The following GIMD1 variants were observed in gnomAD, a reference collection of about 807,000 sequenced individuals.
GIMD1 encodes the protein GIMAP family P-loop NTPase domain containing 1.
In GIMD1, 14 loss-of-function variants were observed where a neutral mutation model predicts 14.9. The ratio of observed to expected loss-of-function variants is 0.94; its 90% CI spans 0.62 to 1.47. The LOEUF is 1.47. Among genes scored for constraint, GIMD1 ranks in the 40% most tolerant of loss-of-function variants. The probability of loss-of-function intolerance (pLI) is 0.00; values close to 1 mark genes in which losing one functional copy is unlikely to be tolerated. For missense variants in GIMD1, 272 were observed against 255.3 expected, an observed-to-expected ratio of 1.07 and a Z score of -0.44; for synonymous variants, 91 against 90.5, an observed-to-expected ratio of 1.01 and a Z score of -0.03.
At position 106,367,274 on chromosome 4, in the gene GIMD1, G is replaced by T. The variant is rs1479791174; in HGVS notation, c.162C>A (p.His54Gln). The T allele has an allele frequency of 6.5e-7, 1 of 1,535,984 alleles. No homozygotes were observed. Among genetic ancestry groups the T allele is most frequent in the South Asian group, 1.2e-5 (1 of 84,054 alleles). Residue 54 changes from histidine (H) to glutamine (Q), a missense_variant, in exon 2 of 3, where the codon CAC (histidine) becomes CAA (glutamine). By Grantham distance (24) the His-to-Gln change is conservative (BLOSUM62 0). Coordinates refer to ENST00000638719, the MANE Select transcript of GIMD1 (RefSeq NM_001195138.2). ...CACCTCGACGCATGAAGCTGTGGAG[G>T]TGACAACTGCGGCCCAGGCTACAAC... ...TTCCSLGRSC[H>Q]LHSFMRRGGL...
In GIMD1 at chr4:106,358,190, A is replaced by G. The variant is rs1770559808; in HGVS notation, c.647T>C (p.Phe216Ser). Residue 216 changes from phenylalanine to serine, a missense_variant, in exon 3 of 3, where the codon TTT becomes TCT. Transcript: ENST00000638719. ...TTTCCTTTCACCTAAATTTTATTTAAATGTAAGAACTTGGTAACAGTTCTC... is the reference window on the plus strand; with the variant it reads ...TTTCCTTTCACCTAAATTTTATTTAGATGTAAGAACTTGGTAACAGTTCTC... ...IKENCYQVLT[F>S]K 2 of 1,479,450 alleles carry G rather than the reference A, an allele frequency of 1.4e-6. No homozygotes were observed. Among genetic ancestry groups the G allele is most frequent in the East Asian group, 2.5e-5 (1 of 40,588 alleles). 91.6% of individuals were successfully genotyped at this position (1,479,450 alleles called of 1,614,324 possible). A position where few individuals can be genotyped will look rare whatever the true frequency, so the allele number is the denominator to read the frequency against.
At chr4:106,363,069 ACTT>A (rs771068886) in intron 2 of GIMD1, among the ~76,000 whole-genome samples, 200 of 152,210 alleles carry the variant, frequency 1.3e-3, no homozygotes, top group Admixed American at 3.6e-3. Flanking sequence ...TAAAAAAGTT[ACTT>A]CTTATGTTTA....
chr4:106,367,824 C>A (rs771065132), intron 1 of GIMD1, among the ~76,000 whole-genome samples: 45 of 151,584 alleles, frequency 3.0e-4, no homozygotes, highest in African/African-American at 7.0e-4. Context: ...GCAAAGCTAG[C>A]AGTAGTATTT....
intron 2 of GIMD1, among the ~76,000 whole-genome samples, chr4:106,362,830 C>T (rs2125934097): frequency 6.6e-6 from 1 of 152,104 alleles, no homozygotes; most frequent in South Asian, 2.1e-4. Flanking sequence ...CTCATTAGGC[C>T]AGATCCAGAG....
At chr4:106,363,550 CA>C (rs1318832316) in intron 2 of GIMD1, among the ~76,000 whole-genome samples, 1 of 152,044 alleles carries the variant, frequency 6.6e-6, no homozygotes, top group East Asian at 1.9e-4. Context: ...TAAGTAGGCA[CA>C]ATGCTGAGCA....
intron 1 of GIMD1, 75 bp from the exon 2 acceptor site, chr4:106,367,512 TG>T: frequency 7.4e-7 from 1 of 1,348,530 alleles, no homozygotes; most frequent in Non-Finnish European, 9.9e-7. Context: ...TTACCTGGCC[TG>T]GTTGCACTCC....
At chr4:106,364,427 A>C (rs1770664829) in intron 2 of GIMD1, among the ~76,000 whole-genome samples, 1 of 152,148 alleles carries the variant, frequency 6.6e-6, no homozygotes, top group South Asian at 2.1e-4. Context: ...AGGACCTAAC[A>C]GCTTCTTGCT....
At position 106,358,331 on chromosome 4, in the gene GIMD1, G is replaced by T; in HGVS notation, c.506C>A (p.Thr169Asn). 6.5e-7 allele frequency: 1 copy of T among 1,534,098 alleles called. No homozygotes were observed. The highest frequency in any genetic ancestry group is 8.7e-7 in the Non-Finnish European group (1 of 1,145,650). Reference sequence around the variant, plus strand: ...AATAGAATTTAGCAGCGTTTTCAGGGTATCAGAGGCCTCATGTAAATATTT... The same window carrying T: ...AATAGAATTTAGCAGCGTTTTCAGGTTATCAGAGGCCTCATGTAAATATTT... ...EDKYLHEASD[T>N]LKTLLNSIQH... is the part of the protein sequence containing the mutation. Residue 169 changes from threonine (T) to asparagine (N), a missense_variant, in exon 3 of 3, where the codon ACC (threonine) becomes AAC (asparagine). Physicochemically the swap from Thr to Asn is moderately conservative, Grantham distance 65. Transcript: ENST00000638719.
intron 2 of GIMD1, among the ~76,000 whole-genome samples, chr4:106,359,810 C>T (rs1489818301): frequency 6.6e-6 from 1 of 151,660 alleles, no homozygotes; most frequent in Non-Finnish European, 1.5e-5. Flanking sequence ...ATAGGTAAAT[C>T]TAACATGAAA....
At chr4:106,365,516 G>C (rs530552040) in intron 2 of GIMD1, among the ~76,000 whole-genome samples, 2 of 151,818 alleles carry the variant, frequency 1.3e-5, no homozygotes, top group African/African-American at 4.8e-5. Flanking sequence ...CTATCTTTCT[G>C]GGCTGTAACA....
In GIMD1 at chr4:106,367,291, G is replaced by C. The variant is rs1579659198; in HGVS notation, c.145C>G (p.Leu49Val). Reference protein sequence around the residue: ...APCSVTTCCSLGRSCHLHSFM... With the variant: ...APCSVTTCCSVGRSCHLHSFM... Reference sequence around the variant, plus strand: ...CTGTGGAGGTGACAACTGCGGCCCAGGCTACAACATGTGGTCACAGAACAG... The same window carrying C: ...CTGTGGAGGTGACAACTGCGGCCCACGCTACAACATGTGGTCACAGAACAG... Residue 49 changes from leucine (L) to valine (V), a missense_variant, in exon 2 of 3, where the codon CTG (leucine) becomes GTG (valine). By Grantham distance (32) the Leu-to-Val change is conservative. Coordinates refer to ENST00000638719, the MANE Select transcript of GIMD1 (RefSeq NM_001195138.2). 2 of 1,535,988 alleles carry C rather than the reference G, an allele frequency of 1.3e-6. No homozygotes were observed. The highest frequency in any genetic ancestry group is 1.7e-6 in the Non-Finnish European group (2 of 1,146,844).
Position 106,367,157 on chromosome 4 carries a change from T to C in GIMD1, c.279A>G (p.Lys93=), listed in dbSNP as rs919546911. The C allele has an allele frequency of 6.5e-7, 1 of 1,535,658 alleles. No individual in the cohort carries two copies. The highest frequency in any genetic ancestry group is 1.4e-5 in the African/African-American group (1 of 72,976). Reference sequence around the variant, plus strand: ...GCCCGAAGTGATGTGCCAGAGCCTCTTTGACTTCCTGTTTCACATACTTCT... The same window carrying C: ...GCCCGAAGTGATGTGCCAGAGCCTCCTTGACTTCCTGTTTCACATACTTCT... ...LSKKYVKQEV[K]EALAHHFGQG... is the part of the protein sequence containing the mutation. Residue 93 remains lysine, a synonymous_variant, in exon 2 of 3, where the codon AAA becomes AAG. Coordinates refer to ENST00000638719, the MANE Select transcript of GIMD1 (RefSeq NM_001195138.2).
At position 106,367,111 on chromosome 4, in the gene GIMD1, G is replaced by A. The variant is rs1307293440; in HGVS notation, c.325C>T (p.Leu109Phe). Residue 109 changes from leucine (L) to phenylalanine (F), a missense_variant, in exon 2 of 3, where the codon CTC (leucine) becomes TTC (phenylalanine). Physicochemically the swap from Leu to Phe is conservative, Grantham distance 22. Coordinates refer to ENST00000638719, the MANE Select transcript of GIMD1 (RefSeq NM_001195138.2). ...GGCACATCTGCTCTCTGAACCAGGAGTGCAAGGTGGAGACCCCCTTGCCCG... is the reference window on the plus strand; with the variant it reads ...GGCACATCTGCTCTCTGAACCAGGAATGCAAGGTGGAGACCCCCTTGCCCG... ...HFGQGGLHLA[L>F]LVQRADVPFC... 2.0e-6 allele frequency: 3 copies of A among 1,535,396 alleles called. No homozygotes were observed. The highest frequency in any genetic ancestry group is 2.6e-6 in the Non-Finnish European group (3 of 1,146,578).
rs963071670 is a variant in GIMD1 at position 106,367,300 on chromosome 4, A to G, written c.136T>C (p.Cys46Arg). Residue 46 changes from cysteine (C) to arginine (R), a missense_variant, in exon 2 of 3, where the codon TGT (cysteine) becomes CGT (arginine). Physicochemically the swap from Cys to Arg is radical, Grantham distance 180. Transcript: ENST00000638719. ...SSFAPCSVTTCCSLGRSCHLH... is the reference protein window; with the variant it reads ...SSFAPCSVTTRCSLGRSCHLH... ...TGACAACTGCGGCCCAGGCTACAAC[A>G]TGTGGTCACAGAACAGGGAGCAAAG... is the stretch of plus-strand genomic sequence containing the variant. 25 of 1,535,970 alleles carry G rather than the reference A, an allele frequency of 1.6e-5. No individual in the cohort carries two copies. The highest frequency in any genetic ancestry group is 2.2e-5 in the Non-Finnish European group (25 of 1,146,828).
At chr4:106,366,357 T>C (rs1258334847) in intron 2 of GIMD1, among the ~76,000 whole-genome samples, 1 of 152,216 alleles carries the variant, frequency 6.6e-6, no homozygotes, top group African/African-American at 2.4e-5. Flanking sequence ...GGTTTGCTTA[T>C]CTAATTTTCC....
chr4:106,358,454 G>A lies in GIMD1; in HGVS notation c.394-11C>T. 1.3e-6 allele frequency: 2 copies of A among 1,500,642 alleles called. No individual in the cohort carries two copies. The highest frequency in any genetic ancestry group is 1.3e-5 in the South Asian group (1 of 77,834). The allele number at this position is 1,500,642 out of a possible 1,614,324, so 93.0% of individuals were successfully genotyped here. ...ATGTCCAAGAAGTTCCTGAAAGAGA[G>A]AAGTTAGATAACTATTGAACTTGAA... On this transcript the variant is annotated splice_polypyrimidine_tract_variant and intron_variant, in intron 2 of 2. Transcript: ENST00000638719.
At chr4:106,364,507 T>C (rs892881651) in intron 2 of GIMD1, among the ~76,000 whole-genome samples, 1 of 152,128 alleles carries the variant, frequency 6.6e-6, no homozygotes, top group African/African-American at 2.4e-5. Flanking sequence ...TGTGAGCACA[T>C]ACAGATGGCT....
chr4:106,367,836 A>C (rs968010873), intron 1 of GIMD1, among the ~76,000 whole-genome samples: 1 of 152,152 alleles, frequency 6.6e-6, no homozygotes, highest in Non-Finnish European at 1.5e-5. Flanking sequence ...GTAGTATTTA[A>C]AAGTTATTCA....
In GIMD1 at chr4:106,367,087, G is replaced by A. The variant is rs970913950; in HGVS notation, c.349C>T (p.Pro117Ser). ...TCAGTTACTTCCTGCCCACAGAAAGGCACATCTGCTCTCTGAACCAGGAGT... is the reference window on the plus strand; with the variant it reads ...TCAGTTACTTCCTGCCCACAGAAAGACACATCTGCTCTCTGAACCAGGAGT... ...LALLVQRADVPFCGQEVTDPV... is the reference protein window; with the variant it reads ...LALLVQRADVSFCGQEVTDPV... Residue 117 changes from proline to serine, a missense_variant, in exon 2 of 3, where the codon CCT becomes TCT. Transcript: ENST00000638719. The A allele has an allele frequency of 6.5e-7, 1 of 1,534,418 alleles. No individual in the cohort carries two copies. The highest frequency in any genetic ancestry group is 8.7e-7 in the Non-Finnish European group (1 of 1,146,074).
Sources: allele counts gnomAD v4.1 joint callset (sites outside exome capture counted in the v4.1 genomes callset), GRCh38; gene constraint gnomAD v4.1.1; transcripts MANE v1.5; gene names NCBI Gene and HGNC (gene_info 2026-07-23, HGNC 2026-07-21).